VLDLR: variants seen among roughly 807,000 people sequenced by gnomAD.
The protein encoded by VLDLR is very low density lipoprotein receptor.
VLDLR carries 81 observed loss-of-function variants against 112.7 expected under a neutral mutation model. The observed-to-expected ratio is 0.72, with a 90% CI of 0.60 to 0.86. VLDLR has a LOEUF of 0.86. VLDLR is among the 40% of genes least tolerant of loss of function. The probability of loss-of-function intolerance (pLI) is 0.00; values close to 1 mark genes in which losing one functional copy is unlikely to be tolerated. For synonymous variants in VLDLR, 436 were observed against 384.8 expected (o/e 1.13, Z -1.56); for missense variants, 1,237 against 1,099.4 (o/e 1.13, Z -1.77).
Position 2,643,833 on chromosome 9 carries a change from G to A in VLDLR, c.944-4G>A, listed in dbSNP as rs769919865. Reference sequence around the variant, plus strand: ...GAATCTCTCTTCTTTGTTTCTCTTTGTAGTCAATCAGTGCTTGGGCCCTGG... The same window carrying A: ...GAATCTCTCTTCTTTGTTTCTCTTTATAGTCAATCAGTGCTTGGGCCCTGG... On this transcript the variant is annotated splice_region_variant and splice_polypyrimidine_tract_variant and intron_variant, in intron 6 of 18. Transcript: ENST00000382100. 5 of 1,614,056 alleles carry A rather than the reference G, an allele frequency of 3.1e-6. No individual in the cohort carries two copies. Among genetic ancestry groups the A allele is most frequent in the South Asian group, 2.2e-5 (2 of 91,080 alleles).
At chr9:2,635,320 T>A in intron 1 of VLDLR, 133 bp from the exon 2 acceptor site, 1 of 1,373,346 alleles carries the variant, frequency 7.3e-7, no homozygotes, top group Non-Finnish European at 1.0e-6. Flanking sequence ...AGAGCCATCC[T>A]ACTCTGGCCC....
At chr9:2,650,220 C>T in intron 14 of VLDLR, 150 bp from the exon 15 acceptor site, 1 of 934,068 alleles carries the variant, frequency 1.1e-6, no homozygotes. Flanking sequence ...ACTTATTCTT[C>T]CTTGATACTG....
chr9:2,652,628 C>A, intron 17 of VLDLR, 152 bp from the exon 18 acceptor site: 1 of 1,039,346 alleles, frequency 9.6e-7, no homozygotes. Context: ...AAGCTCCTGG[C>A]CCATGTGTAT....
chr9:2,627,686 A>C (rs1817156760), intron 1 of VLDLR, among the ~76,000 whole-genome samples: 1 of 152,064 alleles, frequency 6.6e-6, no homozygotes, highest in African/African-American at 2.4e-5. Flanking sequence ...AACATAGTGA[A>C]AGCCCATCTC....
In VLDLR at chr9:2,622,159, C is replaced by CGGT. The variant is rs1441985108; in HGVS notation, c.-29_-28insTGG. On this transcript the variant is annotated 5_prime_UTR_variant, in exon 1 of 19. Transcript: ENST00000382100. ...CGTGCGGAGCGAACGGCGGCGGCGG[C>CGGT]GGCGGCGGCGGCACCATCCAGGCGG... 2 of 1,473,692 alleles carry CGGT rather than the reference C, an allele frequency of 1.4e-6. No individual in the cohort carries two copies. Among genetic ancestry groups the CGGT allele is most frequent in the South Asian group, 1.3e-5 (1 of 76,300 alleles). The allele number at this position is 1,473,692 out of a possible 1,614,324, so 91.3% of individuals were successfully genotyped here.
At chr9:2,625,964 G>C (rs895747875) in intron 1 of VLDLR, among the ~76,000 whole-genome samples, 1 of 152,184 alleles carries the variant, frequency 6.6e-6, no homozygotes, top group Non-Finnish European at 1.5e-5. Context: ...CAATTTTACT[G>C]TCTGCATTTT....
rs1275868759 is a variant in VLDLR, at chr9:2,657,213, T to C, written c.*3345T>C. Reference sequence around the variant, plus strand: ...CTATTACGTAATCTAACTGGAATAATTTCCTAGAATTCTTACTAGTGAAAT... The same window carrying C: ...CTATTACGTAATCTAACTGGAATAACTTCCTAGAATTCTTACTAGTGAAAT... On this transcript the variant is annotated 3_prime_UTR_variant, in exon 19 of 19. Coordinates refer to ENST00000382100, the MANE Select transcript of VLDLR (RefSeq NM_003383.5). The C allele has an allele frequency of 6.6e-6, 1 of 152,188 alleles. No individual in the cohort carries two copies. The highest frequency in any genetic ancestry group is 1.5e-5 in the Non-Finnish European group (1 of 68,034). 9.4% of individuals were successfully genotyped at this position (152,188 alleles called of 1,614,324 possible). A position where few individuals can be genotyped will look rare whatever the true frequency, so the allele number is the denominator to read the frequency against.
chr9:2,622,960 C>T (rs1816898512), intron 1 of VLDLR, among the ~76,000 whole-genome samples: 1 of 152,200 alleles, frequency 6.6e-6, no homozygotes, highest in South Asian at 2.1e-4. Flanking sequence ...CTTTTCCCCG[C>T]CTCGGGCGGC....
In VLDLR at chr9:2,635,553, C is replaced by T. The variant is rs1446865571; in HGVS notation, c.183C>T (p.Gly61=). 1.2e-6 allele frequency: 2 copies of T among 1,614,082 alleles called. No individual in the cohort carries two copies. Among genetic ancestry groups the T allele is most frequent in the Non-Finnish European group, 8.5e-7 (1 of 1,179,964 alleles). Residue 61 remains glycine (G), a synonymous_variant, in exon 2 of 19, where the codon GGC becomes GGT. Transcript: ENST00000382100. ...KCDGDEDCVD[G]SDEKNCVKKT... ...ATGGGGATGAAGACTGTGTTGACGG[C>T]AGTGATGAAAAGAACTGTGGTAAGT...
chr9:2,645,115 C>A (rs770229609), intron 9 of VLDLR, 33 bp downstream of exon 9: 2 of 1,613,720 alleles, frequency 1.2e-6, no homozygotes, highest in South Asian at 1.1e-5. Context: ...GGCTGTTGTA[C>A]CTTTATGAGT....
At chr9:2,650,326 G>C (rs750343088) in intron 14 of VLDLR, 44 bp from the exon 15 acceptor site, 10 of 1,612,232 alleles carry the variant, frequency 6.2e-6, no homozygotes, top group Non-Finnish European at 8.5e-6. Flanking sequence ...ATATATACTA[G>C]GCACCGGAAT....
Position 2,652,589 on chromosome 9 carries a change from C to T in VLDLR, c.2417-191C>T, listed in dbSNP as rs35075133. Among the ~76,000 whole-genome samples, 24,953 of 152,140 alleles carry T rather than the reference C, an allele frequency of 0.16. 2,252 individuals carry two copies. The highest frequency in any genetic ancestry group is 0.18 in the Non-Finnish European group (12,386 of 67,996). ...ATGTGGCTAGTCCAGCTCCAGTGCA[C>T]AGAGCTACCTCTGGGCTGAACTTGT... is the stretch of plus-strand genomic sequence containing the variant. On this transcript the variant is annotated intron_variant, in intron 17 of 18. Coordinates refer to ENST00000382100, the MANE Select transcript of VLDLR (RefSeq NM_003383.5).
In VLDLR at chr9:2,658,882, T is replaced by C. The variant is rs865828274; in HGVS notation, c.*5014T>C. On this transcript the variant is annotated 3_prime_UTR_variant, in exon 19 of 19. Coordinates refer to ENST00000382100, the MANE Select transcript of VLDLR (RefSeq NM_003383.5). The stretch of plus-strand genomic sequence containing the variant: ...ACCGAAGTGTTCTCCACTACACCTG[T>C]CTGAAGAGATCTAAGTCTGATATTT... The C allele has an allele frequency of 6.6e-6, 1 of 152,204 alleles. No individual in the cohort carries two copies. Among genetic ancestry groups the C allele is most frequent in the Non-Finnish European group, 1.5e-5 (1 of 68,040 alleles). 9.4% of individuals were successfully genotyped at this position (152,204 alleles called of 1,614,324 possible).
At chr9:2,633,051 AGTGT>A (rs71329439) in intron 1 of VLDLR, among the ~76,000 whole-genome samples, 3 of 115,400 alleles carry the variant, frequency 2.6e-5, no homozygotes, top group African/African-American at 6.7e-5. Context: ...AGAGAGAGAG[AGTGT>A]GTGTGTGTGT....
rs1818645243 is a variant in VLDLR, at chr9:2,657,334, T to C, written c.*3466T>C. ...AAAAACTTGCAAAAAGCAGATATAC[T>C]TTTGCTAATTTAAGTTGAAGTACTA... On this transcript the variant is annotated 3_prime_UTR_variant, in exon 19 of 19. Transcript: ENST00000382100. 6.6e-6 allele frequency: 1 copy of C among 152,212 alleles called. No homozygotes were observed. Among genetic ancestry groups the C allele is most frequent in the Non-Finnish European group, 1.5e-5 (1 of 68,030 alleles). 9.4% of individuals were successfully genotyped at this position (152,212 alleles called of 1,614,324 possible). A position where few individuals can be genotyped will look rare whatever the true frequency, so the allele number is the denominator to read the frequency against.
rs73640157 is a variant in VLDLR, at chr9:2,659,137, T to A, written c.*5269T>A. ...TGTACTAAGTAAGTGCTCCCAAGTC[T>A]TTTACTTGCTCTTCACAGCAACCCT... On this transcript the variant is annotated 3_prime_UTR_variant, in exon 19 of 19. Coordinates refer to ENST00000382100, the MANE Select transcript of VLDLR (RefSeq NM_003383.5). 6.6e-6 allele frequency: 1 copy of A among 152,188 alleles called. No individual in the cohort carries two copies. Among genetic ancestry groups the A allele is most frequent in the African/African-American group, 2.4e-5 (1 of 41,432 alleles). The allele number at this position is 152,188 out of a possible 1,614,324, so 9.4% of individuals were successfully genotyped here.
chr9:2,635,423 G>T, intron 1 of VLDLR, 30 bp from the exon 2 acceptor site: 1 of 1,613,458 alleles, frequency 6.2e-7, no homozygotes, highest in African/African-American at 1.3e-5. Context: ...ACCAATCCTT[G>T]CTTTACCGAA....
chr9:2,631,749 TAAC>T (rs1817360332), intron 1 of VLDLR, among the ~76,000 whole-genome samples: 1 of 152,136 alleles, frequency 6.6e-6, no homozygotes, highest in African/African-American at 2.4e-5. Flanking sequence ...TGACTGTAGT[TAAC>T]AAAAACGTGC....
At chr9:2,626,007 G>A (rs1011593263) in intron 1 of VLDLR, among the ~76,000 whole-genome samples, 1 of 152,160 alleles carries the variant, frequency 6.6e-6, no homozygotes, top group African/African-American at 2.4e-5. Context: ...TGCTAAGTTC[G>A]TCTATTGGCT....
Sources: gnomAD v4.1 joint callset for allele counts (sites outside exome capture counted in the v4.1 genomes callset) on GRCh38, gnomAD v4.1.1 for gene constraint, MANE v1.5 for transcripts, NCBI Gene and HGNC (gene_info 2026-07-23, HGNC 2026-07-21) for gene names.